Variants in SLC4A4 observed in about 807,000 individuals in gnomAD.
The protein encoded by SLC4A4 is solute carrier family 4 member 4.
A neutral mutation model predicts 111.5 loss-of-function variants in SLC4A4; 27 were observed. The observed-to-expected ratio is 0.24, with a 90% confidence interval of 0.18 to 0.33. The LOEUF (loss-of-function observed/expected upper bound fraction) is 0.33. Ranked by LOEUF, SLC4A4 falls within the 10% of genes least tolerant of loss-of-function variation. The pLI is 1.00. For synonymous variants in SLC4A4, 443 were observed against 463.4 expected (o/e 0.96, Z 0.57); for missense variants, 909 against 1,315.5 (o/e 0.69, Z 4.78).
chr4:71,238,688 A>C (rs945119272), intron 2 of SLC4A4, among the ~76,000 whole-genome samples: 1 of 152,212 alleles, frequency 6.6e-6, no homozygotes, highest in Non-Finnish European at 1.5e-5. Context: ...AACTTTCAAC[A>C]GTGCTGACTG....
chr4:71,243,306 T>C (rs185077817), intron 2 of SLC4A4, among the ~76,000 whole-genome samples: 50 of 152,302 alleles, frequency 3.3e-4, no homozygotes, highest in Admixed American at 5.2e-4. Context: ...CATTATGTAA[T>C]TTAGGTGCCA....
At chr4:71,560,679 G>A (rs1053622271) in intron 23 of SLC4A4, among the ~76,000 whole-genome samples, 19 of 151,662 alleles carry the variant, frequency 1.3e-4, no homozygotes, top group Admixed American at 3.3e-4. Flanking sequence ...CTCACTTCAC[G>A]TGATCTGTGA....
At chr4:71,222,188 A>G (rs1718785453) in intron 1 of SLC4A4, among the ~76,000 whole-genome samples, 1 of 152,004 alleles carries the variant, frequency 6.6e-6, no homozygotes, top group South Asian at 2.1e-4. Flanking sequence ...CACCTCTCTG[A>G]TTTTATCTCC....
intron 3 of SLC4A4, among the ~76,000 whole-genome samples, chr4:71,324,224 A>T (rs1188607528): frequency 6.6e-6 from 1 of 151,994 alleles, no homozygotes. Flanking sequence ...AAATGGTATC[A>T]TGGAAGGTGA....
chr4:71,089,523 T>C (rs1200215898), intron 1 of SLC4A4, among the ~76,000 whole-genome samples: 1 of 152,076 alleles, frequency 6.6e-6, no homozygotes, highest in African/African-American at 2.4e-5. Context: ...CCCATCTTTG[T>C]GGTTTTATCT....
At chr4:71,225,238 G>C (rs571491742) in intron 1 of SLC4A4, among the ~76,000 whole-genome samples, 1 of 152,168 alleles carries the variant, frequency 6.6e-6, no homozygotes, top group African/African-American at 2.4e-5. Context: ...TGTAATCCCA[G>C]CTACTTGGGA....
At chr4:71,472,224 A>T (rs912919355) in intron 13 of SLC4A4, among the ~76,000 whole-genome samples, 1 of 151,722 alleles carries the variant, frequency 6.6e-6, no homozygotes, top group Non-Finnish European at 1.5e-5. Flanking sequence ...TAACATTATC[A>T]CTTAGTATTT....
intron 2 of SLC4A4, among the ~76,000 whole-genome samples, chr4:71,107,867 C>G (rs1742984967): frequency 3.3e-5 from 1 of 30,726 alleles, no homozygotes; most frequent in Non-Finnish European, 2.5e-4. Flanking sequence ...ACCACCATGT[C>G]TAATTTTTAA....
At chr4:71,544,653 A>G (rs1430424558) in intron 18 of SLC4A4, among the ~76,000 whole-genome samples, 3 of 151,998 alleles carry the variant, frequency 2.0e-5, no homozygotes, top group Admixed American at 1.3e-4. Context: ...TCTTTTCCCT[A>G]TTCGCCTAAC....
chr4:71,390,047 T>C (rs937348028), intron 6 of SLC4A4, among the ~76,000 whole-genome samples: 14 of 152,176 alleles, frequency 9.2e-5, no homozygotes, highest in African/African-American at 3.4e-4. Flanking sequence ...TATTTTTGTC[T>C]TTTATTTAGG....
chr4:71,397,136 G>T (rs935908907), intron 6 of SLC4A4, among the ~76,000 whole-genome samples: 1 of 152,184 alleles, frequency 6.6e-6, no homozygotes, highest in Non-Finnish European at 1.5e-5. Flanking sequence ...AGGCCTGGGG[G>T]AGAGGAGGTC....
At chr4:71,243,851 AT>A (rs994404624) in intron 2 of SLC4A4, among the ~76,000 whole-genome samples, 43 of 152,300 alleles carry the variant, frequency 2.8e-4, no homozygotes, top group African/African-American at 1.0e-3. Context: ...TATTCTGTTG[AT>A]TTTTGGAAGA....
intron 2 of SLC4A4, among the ~76,000 whole-genome samples, chr4:71,149,895 C>T (rs1744269933): frequency 6.6e-6 from 1 of 152,132 alleles, no homozygotes. Flanking sequence ...TCCAATTAGC[C>T]ATCTGGCTTA....
chr4:71,164,571 A>C (rs1187340977), intron 2 of SLC4A4, among the ~76,000 whole-genome samples: 1 of 151,738 alleles, frequency 6.6e-6, no homozygotes. Context: ...AAACAAAAAA[A>C]CCCGTAAGAC....
intron 7 of SLC4A4, among the ~76,000 whole-genome samples, chr4:71,436,406 C>G (rs1724150633): frequency 6.6e-6 from 1 of 152,024 alleles, no homozygotes; most frequent in Non-Finnish European, 1.5e-5. Flanking sequence ...TGGGGCCTGT[C>G]AGGGGGTCAG....
At chr4:71,493,915 C>T (rs916045612) in intron 15 of SLC4A4, among the ~76,000 whole-genome samples, 1 of 151,986 alleles carries the variant, frequency 6.6e-6, no homozygotes, top group African/African-American at 2.4e-5. Context: ...TTCACTCCCA[C>T]GCATTTCTCA....
intron 18 of SLC4A4, among the ~76,000 whole-genome samples, chr4:71,535,339 A>G: frequency 6.6e-6 from 1 of 152,196 alleles, no homozygotes; most frequent in Non-Finnish European, 1.5e-5. Flanking sequence ...GAGCAGAGGA[A>G]TGAGAGAGAT....
intron 22 of SLC4A4, among the ~76,000 whole-genome samples, chr4:71,559,626 C>CA (rs1207552011): frequency 1.3e-5 from 2 of 151,802 alleles, no homozygotes; most frequent in African/African-American, 4.8e-5. Flanking sequence ...TATTCAAATA[C>CA]TACCTCATTG....
intron 16 of SLC4A4, among the ~76,000 whole-genome samples, chr4:71,509,498 T>C (rs970388588): frequency 6.6e-6 from 1 of 152,106 alleles, no homozygotes; most frequent in Non-Finnish European, 1.5e-5. Context: ...ATGGTTGCCA[T>C]ACATTTTCTT....
Sources: allele counts gnomAD v4.1 joint callset (sites outside exome capture counted in the v4.1 genomes callset), GRCh38; gene constraint gnomAD v4.1.1; transcripts MANE v1.5; gene names NCBI Gene and HGNC (gene_info 2026-07-23, HGNC 2026-07-21).